The following SPPL2A variants were observed in gnomAD, a reference collection of about 807,000 sequenced individuals.
SPPL2A encodes the protein signal peptide peptidase-like 2A.
A neutral mutation model predicts 63.8 loss-of-function variants in SPPL2A; 51 were observed. The ratio of observed to expected loss-of-function variants is 0.80; its 90% CI spans 0.64 to 1.01. The LOEUF is 1.01. SPPL2A is among the 50% of genes least tolerant of loss of function. SPPL2A has a pLI of 0.00. For synonymous variants in SPPL2A, 188 were observed against 205.8 expected, an observed-to-expected ratio of 0.91 and a Z score of 0.74; for missense variants, 553 against 622.7, an observed-to-expected ratio of 0.89 and a Z score of 1.19.
chr15:50,712,679 C>CCCTTT (rs35199045), intron 14 of SPPL2A, among the ~76,000 whole-genome samples: 2 of 102,938 alleles, frequency 1.9e-5, no homozygotes, highest in African/African-American at 4.2e-5. Context: ...CTCCCCCCCC[C>CCCTTT]TTTTTTTTTT....
intron 10 of SPPL2A, among the ~76,000 whole-genome samples, 186 bp downstream of exon 10, chr15:50,730,779 C>T (rs2062723903): frequency 6.6e-6 from 1 of 152,096 alleles, no homozygotes; most frequent in Non-Finnish European, 1.5e-5. Flanking sequence ...AGTCAAGAGA[C>T]ATTTTAAAAT....
rs547653496 is a variant in SPPL2A at position 50,725,932 on chromosome 15, G to A, written c.1146+389C>T. The A allele has an allele frequency of 5.9e-5, 21 of 356,606 alleles. No homozygotes were observed. The Admixed American group carries it at 7.0e-4, about 12-fold the overall frequency. 22.1% of individuals were successfully genotyped at this position (356,606 alleles called of 1,614,324 possible). ...TTTTTTTTTCTCTTTACCAAGGATA[G>A]AACTCAGGCCTTGAAACATAGAAAA... On this transcript the variant is annotated intron_variant, in intron 11 of 14. Transcript: ENST00000261854.
chr15:50,726,097 A>G (rs919087026), intron 11 of SPPL2A: 1 of 1,504,062 alleles, frequency 6.6e-7, no homozygotes, highest in Non-Finnish European at 8.9e-7. Flanking sequence ...CTGAGGGTTG[A>G]CCAGTGGCTT....
At chr15:50,728,345 T>C (rs1386544718) in intron 10 of SPPL2A, among the ~76,000 whole-genome samples, 5 of 152,182 alleles carry the variant, frequency 3.3e-5, no homozygotes, top group Admixed American at 2.6e-4. Context: ...TTTTTATCTT[T>C]ATTTTTATTT....
chr15:50,720,012 T>C lies in SPPL2A; in HGVS notation c.1416A>G (p.Thr472=), dbSNP rs759808262. 1.2e-6 allele frequency: 2 copies of C among 1,613,794 alleles called. No homozygotes were observed. The highest frequency in any genetic ancestry group is 1.7e-5 in the Admixed American group (1 of 59,978). Residue 472 remains threonine, a synonymous_variant, in exon 14 of 15, where the codon ACA becomes ACG. Coordinates refer to ENST00000261854, the MANE Select transcript of SPPL2A (RefSeq NM_032802.4). ...AGGCAACAACTGAGGCAGTAATAAGTGTGCAAGGTACTAAATAGAGGAGAG... is the reference window on the plus strand; with the variant it reads ...AGGCAACAACTGAGGCAGTAATAAGCGTGCAAGGTACTAAATAGAGGAGAG... ...QPALLYLVPC[T]LITASVVAWR... is the part of the protein sequence containing the mutation.
rs577875242 is a variant in SPPL2A, at chr15:50,758,881, T to C, written c.66+6587A>G. 1.5e-4 allele frequency among the ~76,000 whole-genome samples: 23 copies of C among 150,648 alleles called. No homozygotes were observed. The East Asian group carries it at 2.9e-3, about 19-fold the overall frequency. ...TTTAAACAACTGATCAAATATATAATAAGCATATCTATCTATCTATCTATC... is the reference window on the plus strand; with the variant it reads ...TTTAAACAACTGATCAAATATATAACAAGCATATCTATCTATCTATCTATC... On this transcript the variant is annotated intron_variant, in intron 1 of 14. Coordinates refer to ENST00000261854, the MANE Select transcript of SPPL2A (RefSeq NM_032802.4).
chr15:50,731,169 G>A (rs919471878), intron 9 of SPPL2A, 130 bp from the exon 10 acceptor site: 1 of 499,888 alleles, frequency 2.0e-6, no homozygotes, highest in Non-Finnish European at 3.6e-6. Context: ...ATATCTTATG[G>A]TTAATACTAT....
rs776052682 is a variant in SPPL2A at position 50,739,453 on chromosome 15, ACAGGTGTGAGTCAC to A, written c.733+213_733+226del. Among the ~76,000 whole-genome samples, 156 of 152,252 alleles carry A rather than the reference ACAGGTGTGAGTCAC, an allele frequency of 1.0e-3. 1 individual carries two copies. The highest frequency in any genetic ancestry group is 3.4e-3 in the Middle Eastern group (1 of 294). Reference sequence around the variant, plus strand: ...TTTGGCCTCCCAAAGTGCTGGGATTACAGGTGTGAGTCACTGCTCCTGGCACATATTGTATTTTT... The same window carrying A: ...TTTGGCCTCCCAAAGTGCTGGGATTATGCTCCTGGCACATATTGTATTTTT... On this transcript the variant is annotated intron_variant, in intron 6 of 14. Transcript: ENST00000261854.
intron 8 of SPPL2A, among the ~76,000 whole-genome samples, chr15:50,733,471 T>C (rs2062746175): frequency 6.6e-6 from 1 of 152,178 alleles, no homozygotes; most frequent in African/African-American, 2.4e-5. Context: ...TATATATTTT[T>C]TTGCACTTTG....
At position 50,736,036 on chromosome 15, in the gene SPPL2A, G is replaced by A; in HGVS notation, c.932+65C>T. 10 of 1,017,242 alleles carry A rather than the reference G, an allele frequency of 9.8e-6. No homozygotes were observed. In the South Asian group the frequency reaches 1.2e-4, roughly 12 times the overall value. 63.0% of individuals were successfully genotyped at this position (1,017,242 alleles called of 1,614,324 possible). Reference sequence around the variant, plus strand: ...AAAAATTCCATAATAATCATAATAAGTATCAGGGCAAGATAGGAAACAATT... The same window carrying A: ...AAAAATTCCATAATAATCATAATAAATATCAGGGCAAGATAGGAAACAATT... On this transcript the variant is annotated intron_variant, in intron 8 of 14. Transcript: ENST00000261854.
At chr15:50,737,602 A>G (rs1596388104) in intron 6 of SPPL2A, among the ~76,000 whole-genome samples, 1 of 151,868 alleles carries the variant, frequency 6.6e-6, no homozygotes, top group East Asian at 2.0e-4. Flanking sequence ...ACGGGCACGC[A>G]CCACCATGCC....
intron 1 of SPPL2A, among the ~76,000 whole-genome samples, chr15:50,750,942 T>C (rs903727823): frequency 1.3e-5 from 2 of 152,214 alleles, no homozygotes; most frequent in African/African-American, 4.8e-5. Context: ...TTGCTGATAT[T>C]TGACCAATTT....
intron 6 of SPPL2A, among the ~76,000 whole-genome samples, chr15:50,737,603 C>T (rs1490363502): frequency 1.3e-5 from 2 of 152,058 alleles, no homozygotes; most frequent in African/African-American, 4.8e-5. Flanking sequence ...CGGGCACGCA[C>T]CACCATGCCC....
rs1196710672 is a variant in SPPL2A at position 50,703,356 on chromosome 15, A to ATACATATATAT, written c.*4443_*4444insATATATATGTA. 2 of 62,042 alleles carry ATACATATATAT rather than the reference A, an allele frequency of 3.2e-5. No individual in the cohort carries two copies. Among genetic ancestry groups the ATACATATATAT allele is most frequent in the Non-Finnish European group, 5.7e-5 (2 of 35,138 alleles). 3.8% of individuals were successfully genotyped at this position (62,042 alleles called of 1,614,324 possible). ...TATATATATATATATACATATATAT[A>ATACATATATAT]TTTTTTTTTTTTTTTTTTTTTTTTG... On this transcript the variant is annotated 3_prime_UTR_variant, in exon 15 of 15. Coordinates refer to ENST00000261854, the MANE Select transcript of SPPL2A (RefSeq NM_032802.4).
Position 50,736,783 on chromosome 15 carries a change from A to G in SPPL2A, c.734-43T>C, listed in dbSNP as rs371262384. On this transcript the variant is annotated intron_variant, in intron 6 of 14. Transcript: ENST00000261854. ...CTAAATTACATGAGAACAGAAGGAA[A>G]GGTGATAAGAAAATATTTATACAAG... The G allele has an allele frequency of 6.9e-4, 656 of 955,604 alleles. 2 individuals carry two copies. Among genetic ancestry groups the G allele is most frequent in the South Asian group, 1.3e-3 (98 of 73,838 alleles). The allele number at this position is 955,604 out of a possible 1,614,324, so 59.2% of individuals were successfully genotyped here. A position where few individuals can be genotyped will look rare whatever the true frequency, so the allele number is the denominator to read the frequency against.
chr15:50,735,645 C>T (rs1000390257), intron 8 of SPPL2A, among the ~76,000 whole-genome samples: 3 of 151,884 alleles, frequency 2.0e-5, no homozygotes, highest in Non-Finnish European at 4.4e-5. Context: ...CTGCAACCTC[C>T]GCTCACTGCA....
chr15:50,712,746 C>A (rs1318125455), intron 14 of SPPL2A, among the ~76,000 whole-genome samples: 1 of 136,044 alleles, frequency 7.4e-6, no homozygotes, highest in African/African-American at 2.7e-5. Flanking sequence ...GTGATGCGAT[C>A]TCGATCTCGG....
intron 13 of SPPL2A, among the ~76,000 whole-genome samples, chr15:50,720,729 A>C (rs2141025599): frequency 6.6e-6 from 1 of 152,114 alleles, no homozygotes; most frequent in African/African-American, 2.4e-5. Context: ...CATGTTGGTC[A>C]GGCTGGTCTC....
chr15:50,734,247 T>G (rs1596386179), intron 8 of SPPL2A, among the ~76,000 whole-genome samples: 1 of 152,252 alleles, frequency 6.6e-6, no homozygotes, highest in South Asian at 2.1e-4. Flanking sequence ...TCAACCTAAG[T>G]GTCCACCAGT....
Sources: allele counts gnomAD v4.1 joint callset (sites outside exome capture counted in the v4.1 genomes callset), GRCh38; gene constraint gnomAD v4.1.1; transcripts MANE v1.5; gene names NCBI Gene and HGNC (gene_info 2026-07-23, HGNC 2026-07-21).